The following NBAS variants were observed in gnomAD, a reference collection of about 807,000 sequenced individuals.
NBAS encodes NAG/BC035112 fusion.
In NBAS, 219 loss-of-function variants were observed where a neutral mutation model predicts 302.5. That is an observed-to-expected ratio of 0.72 (90% CI 0.65 to 0.81). The LOEUF is 0.81. Ranked by LOEUF, NBAS falls within the 30% of genes least tolerant of loss-of-function variation. The pLI, the probability that NBAS is intolerant of heterozygous loss-of-function variation, is 0.00. For synonymous variants in NBAS, 1,118 were observed against 1,021.6 expected (o/e 1.09, Z -1.80); for missense variants, 2,932 against 2,841.6 (o/e 1.03, Z -0.72).
intron 38 of NBAS, among the ~76,000 whole-genome samples, chr2:15,315,966 G>A (rs1211040737): frequency 6.6e-6 from 1 of 152,120 alleles, no homozygotes; most frequent in African/African-American, 2.4e-5. Context: ...AAGTTTCTTA[G>A]TCTTGGAATC....
chr2:14,910,865 C>T, the NBAS span, among the ~76,000 whole-genome samples: 1 of 152,098 alleles, frequency 6.6e-6, no homozygotes, highest in East Asian at 1.9e-4. Context: ...TAAGAGCCTT[C>T]AAAATTGTAC....
chr2:15,104,090 T>G, the NBAS span, among the ~76,000 whole-genome samples: 913 of 152,244 alleles, frequency 6.0e-3, 10 homozygotes, highest in African/African-American at 0.021. Flanking sequence ...AATTGAATCA[T>G]GGGGGCAATT....
intron 13 of NBAS, among the ~76,000 whole-genome samples, chr2:15,477,214 T>C (rs1182790411): frequency 6.6e-6 from 1 of 152,230 alleles, no homozygotes; most frequent in East Asian, 1.9e-4. Context: ...GCATGGAACC[T>C]GATGCATAAT....
At chr2:15,306,006 T>C (rs539942549) in intron 40 of NBAS, among the ~76,000 whole-genome samples, 2 of 152,254 alleles carry the variant, frequency 1.3e-5, no homozygotes, top group African/African-American at 2.4e-5. Context: ...TAAGGTACTA[T>C]GCATTTGGTC....
rs1482246473 is a variant in NBAS at position 15,229,356 on chromosome 2, A to AC, written c.6236+3065_6236+3066insG. Among the ~76,000 whole-genome samples the AC allele has an allele frequency of 2.6e-3, 372 of 142,696 alleles. 2 individuals carry two copies. Among genetic ancestry groups the AC allele is most frequent in the South Asian group, 4.2e-3 (20 of 4,714 alleles). The allele number at this position is 142,696 out of a possible 152,430, so 93.6% of individuals were successfully genotyped here. ...ACTCTGTCTCAAAAAACAAAAAAAA[A>AC]AAAAAAAAAAAAAAAAAAGAACATT... is the stretch of plus-strand genomic sequence containing the variant. On this transcript the variant is annotated intron_variant, in intron 47 of 51. Transcript: ENST00000281513.
chr2:15,459,267 A>T lies in NBAS; in HGVS notation c.2339+1934T>A, dbSNP rs1344484112. ...CAAATCGAAGGAGAAACTGCCTTTA[A>T]AAAAACCGTTAAGAGACAGTAGCCC... On this transcript the variant is annotated intron_variant, in intron 21 of 51. Coordinates refer to ENST00000281513, the MANE Select transcript of NBAS (RefSeq NM_015909.4). Among the ~76,000 whole-genome samples the T allele has an allele frequency of 2.6e-5, 4 of 152,226 alleles. No homozygotes were observed. In the East Asian group the frequency reaches 7.7e-4, roughly 29 times the overall value.
At chr2:14,860,519 T>A in the NBAS span, among the ~76,000 whole-genome samples, 263 of 152,312 alleles carry the variant, frequency 1.7e-3, no homozygotes, top group African/African-American at 6.1e-3. Flanking sequence ...AATGATATCC[T>A]TTCATTTGCA....
chr2:15,042,710 T>C, the NBAS span, among the ~76,000 whole-genome samples: 3 of 152,324 alleles, frequency 2.0e-5, no homozygotes, highest in East Asian at 1.9e-4. Flanking sequence ...CAAGGGAAGA[T>C]AGACACCCAA....
chr2:15,434,224 G>T (rs557641043), intron 21 of NBAS, among the ~76,000 whole-genome samples: 5 of 152,162 alleles, frequency 3.3e-5, no homozygotes, highest in African/African-American at 1.2e-4. Flanking sequence ...CAAAACAAGA[G>T]AGATAAACAA....
the NBAS span, among the ~76,000 whole-genome samples, chr2:15,065,728 T>TA: frequency 0.51 from 76,760 of 151,172 alleles, 21,716 homozygotes; most frequent in Non-Finnish European, 0.62. Flanking sequence ...CACATTGATT[T>TA]AAAAAAAAAT....
At chr2:14,848,392 G>T in the NBAS span, among the ~76,000 whole-genome samples, 2 of 140,760 alleles carry the variant, frequency 1.4e-5, no homozygotes, top group African/African-American at 3.1e-5. Flanking sequence ...GGCGCACCAC[G>T]AGACTATATC....
At position 15,277,036 on chromosome 2, in the gene NBAS, T is replaced by A. The variant is rs756531740; in HGVS notation, c.5204A>T (p.Asp1735Val). The change falls in exon 43 of 52, where the codon GAT becomes GTT. Residue 1735 changes from aspartate to valine, a missense_variant. Physicochemically the swap from Asp to Val is radical, Grantham distance 152 (BLOSUM62 -3). Transcript: ENST00000281513. ...CATGTGCTGGTGAAAGGCTTCTGGA[T>A]CAGTCTTCAAAGTCTCAAAGAGATG... ...DLHLFETLKT[D>V]PEAFHQHMVK... The A allele has an allele frequency of 6.2e-7, 1 of 1,613,928 alleles. No homozygotes were observed. The highest frequency in any genetic ancestry group is 2.2e-5 in the East Asian group (1 of 44,876).
chr2:15,493,596 G>A lies in NBAS; in HGVS notation c.955-4574C>T, dbSNP rs112336253. 9.5e-3 allele frequency among the ~76,000 whole-genome samples: 1,435 copies of A among 151,814 alleles called. 17 individuals are homozygous for A. The highest frequency in any genetic ancestry group is 0.03 in the African/African-American group (1,229 of 41,378). On this transcript the variant is annotated intron_variant, in intron 11 of 51. Transcript: ENST00000281513. ...GTGGGAGAATGGCTTGAACCTGGGA[G>A]GCAGAGGTTGGCATGAACCGAGATC...
intron 29 of NBAS, among the ~76,000 whole-genome samples, chr2:15,381,114 C>G (rs1445526813): frequency 6.6e-6 from 1 of 152,154 alleles, no homozygotes; most frequent in African/African-American, 2.4e-5. Flanking sequence ...CCATATTTCT[C>G]TGGTCTACTC....
chr2:15,367,392 C>A (rs1353201987), intron 31 of NBAS, among the ~76,000 whole-genome samples: 1 of 152,004 alleles, frequency 6.6e-6, no homozygotes, highest in Non-Finnish European at 1.5e-5. Context: ...GAGGCTGGCC[C>A]CCAATAATTA....
the NBAS span, among the ~76,000 whole-genome samples, chr2:14,833,299 T>C: frequency 6.6e-6 from 1 of 152,112 alleles, no homozygotes; most frequent in Non-Finnish European, 1.5e-5. Context: ...GGACTCCCAC[T>C]TGCCAGGGCA....
the NBAS span, among the ~76,000 whole-genome samples, chr2:14,958,283 G>A: frequency 5.9e-5 from 9 of 152,364 alleles, no homozygotes; most frequent in East Asian, 5.8e-4. Context: ...GCTGCCTGGC[G>A]TCCTTGGAGA....
chr2:15,343,377 T>C (rs1672946737), intron 35 of NBAS, among the ~76,000 whole-genome samples: 3 of 152,234 alleles, frequency 2.0e-5, no homozygotes, highest in African/African-American at 7.2e-5. Context: ...TGGGACAGAA[T>C]GATGTTTCAT....
chr2:15,095,813 G>A, the NBAS span, among the ~76,000 whole-genome samples: 138 of 152,308 alleles, frequency 9.1e-4, 3 homozygotes, highest in East Asian at 0.018. Context: ...TGCAAGCTTG[G>A]CCTTAGTCAG....
Sources: gnomAD v4.1 joint callset for allele counts (sites outside exome capture counted in the v4.1 genomes callset) on GRCh38, gnomAD v4.1.1 for gene constraint, MANE v1.5 for transcripts, NCBI Gene and HGNC (gene_info 2026-07-23, HGNC 2026-07-21) for gene names.